The following FDFT1 variants were observed in gnomAD, a reference collection of about 807,000 sequenced individuals.
FDFT1 encodes squalene synthase.
Under a neutral mutation model 46.8 loss-of-function variants are expected in FDFT1, and 68 were observed. The observed-to-expected ratio is 1.45, with a 90% CI of 1.19 to 1.78. The LOEUF is 1.78. FDFT1 is among the 40% of genes most tolerant of loss of function. FDFT1 has a pLI of 0.00. For missense variants in FDFT1, 928 were observed against 524.4 expected (o/e 1.77, Z -7.52); for synonymous variants, 351 against 185.1 (o/e 1.90, Z -7.28).
upstream of FDFT1, chr8:11,801,878 G>C (rs1444660564): frequency 1.6e-5 from 7 of 444,524 alleles, no homozygotes; most frequent in African/African-American, 1.0e-4. Context: ...TTTTAGTAGA[G>C]ACGGGTTTCA....
intron 3 of FDFT1, among the ~76,000 whole-genome samples, chr8:11,811,049 A>G (rs1008199963): frequency 1.3e-5 from 2 of 152,188 alleles, no homozygotes; most frequent in East Asian, 1.9e-4. Flanking sequence ...ATAGTACAAC[A>G]TAATACAAAT....
chr8:11,804,278 A>T (rs1300480457), intron 1 of FDFT1, among the ~76,000 whole-genome samples: 1 of 152,188 alleles, frequency 6.6e-6, no homozygotes, highest in Non-Finnish European at 1.5e-5. Flanking sequence ...TCATTCCTCT[A>T]TGTCTCTTTC....
Position 11,830,274 on chromosome 8 carries a change from G to C in FDFT1, c.733G>C (p.Asp245His), listed in dbSNP as rs1395855153. 1.9e-6 allele frequency: 3 copies of C among 1,614,060 alleles called. No individual in the cohort carries two copies. The highest frequency in any genetic ancestry group is 1.3e-5 in the African/African-American group (1 of 75,024). ...GAGCAGGTATGTTAAGAAGTTAGGG[G>C]ATTTTGCTAAGCCGGAGAATATTGA... ...VWSRYVKKLGDFAKPENIDLA... is the reference protein window; with the variant it reads ...VWSRYVKKLGHFAKPENIDLA... Residue 245 changes from aspartate to histidine, a missense_variant, in exon 6 of 8, where the codon GAT becomes CAT. Transcript: ENST00000220584.
At chr8:11,796,661 T>C (rs1170794518) in intron 1 of FDFT1, among the ~76,000 whole-genome samples, 2 of 152,178 alleles carry the variant, frequency 1.3e-5, no homozygotes, top group Non-Finnish European at 2.9e-5. Context: ...GGTAGGTGTC[T>C]TCAGTGATTG....
At chr8:11,799,511 C>G (rs1041361768), upstream of FDFT1, among the ~76,000 whole-genome samples, 1 of 152,240 alleles carries the variant, frequency 6.6e-6, no homozygotes, top group African/African-American at 2.4e-5. Flanking sequence ...GCCACAGAGT[C>G]TGTTCCGTTA....
chr8:11,835,860 A>G (rs1413258413), intron 7 of FDFT1, among the ~76,000 whole-genome samples: 1 of 148,558 alleles, frequency 6.7e-6, no homozygotes, highest in African/African-American at 2.4e-5. Context: ...GTCACCGAGC[A>G]TGGTGGCTGA....
chr8:11,809,486 C>T, intron 2 of FDFT1, 181 bp from the exon 3 acceptor site: 1 of 1,328,650 alleles, frequency 7.5e-7, no homozygotes, highest in Non-Finnish European at 9.6e-7. Flanking sequence ...GTTCATTACT[C>T]TCATGTAAGG....
At chr8:11,817,345 G>C (rs888328070) in intron 3 of FDFT1, among the ~76,000 whole-genome samples, 4 of 152,044 alleles carry the variant, frequency 2.6e-5, no homozygotes, top group Admixed American at 6.6e-5. Context: ...TTTATTGTTT[G>C]TCTGCCAGGC....
At chr8:11,837,013 G>A (rs1443193635) in intron 7 of FDFT1, among the ~76,000 whole-genome samples, 1 of 149,580 alleles carries the variant, frequency 6.7e-6, no homozygotes, top group Admixed American at 6.6e-5. Context: ...TAAGTGGAAA[G>A]GTAAAGGTAT....
At chr8:11,812,268 C>T (rs1231967968) in intron 3 of FDFT1, among the ~76,000 whole-genome samples, 4 of 152,226 alleles carry the variant, frequency 2.6e-5, no homozygotes, top group African/African-American at 4.8e-5. Context: ...CCCACGTCTG[C>T]GTCCGCACAG....
upstream of FDFT1, among the ~76,000 whole-genome samples, chr8:11,799,923 C>T (rs559922660): frequency 9.1e-4 from 127 of 139,898 alleles, 3 homozygotes; most frequent in South Asian, 0.016. Flanking sequence ...TCCAGCCTCA[C>T]GACAGAGTGA....
rs14873 is a variant in FDFT1, at chr8:11,838,836, C to G, written c.*227C>G. On this transcript the variant is annotated 3_prime_UTR_variant, in exon 8 of 8. Coordinates refer to ENST00000220584, the MANE Select transcript of FDFT1 (RefSeq NM_004462.5). ...GTCCTTGTGGGTGATGATCACTGTGCTGCTTGTGGCTCATGGCAGAGCATT... is the reference window on the plus strand; with the variant it reads ...GTCCTTGTGGGTGATGATCACTGTGGTGCTTGTGGCTCATGGCAGAGCATT... 3.6e-6 allele frequency: 2 copies of G among 553,092 alleles called. No individual in the cohort carries two copies. The highest frequency in any genetic ancestry group is 6.5e-6 in the Non-Finnish European group (2 of 308,102). 34.3% of individuals were successfully genotyped at this position (553,092 alleles called of 1,614,324 possible).
At chr8:11,814,720 C>T (rs181428073) in intron 3 of FDFT1, among the ~76,000 whole-genome samples, 2 of 152,206 alleles carry the variant, frequency 1.3e-5, no homozygotes, top group Non-Finnish European at 2.9e-5. Flanking sequence ...ATGCCTCATA[C>T]TGAGTTGTTT....
At chr8:11,814,612 C>T (rs917049472) in intron 3 of FDFT1, among the ~76,000 whole-genome samples, 2 of 152,130 alleles carry the variant, frequency 1.3e-5, no homozygotes, top group African/African-American at 2.4e-5. Flanking sequence ...ATTCTTTGAA[C>T]TTAAAACAAG....
At chr8:11,814,600 C>G (rs1173376465) in intron 3 of FDFT1, among the ~76,000 whole-genome samples, 1 of 152,090 alleles carries the variant, frequency 6.6e-6, no homozygotes, top group Non-Finnish European at 1.5e-5. Context: ...AACCTATAAA[C>G]AATTCTTTGA....
In FDFT1 at chr8:11,838,587, A is replaced by G. The variant is rs371396760; in HGVS notation, c.1232A>G (p.Tyr411Cys). The change falls in exon 8 of 8, where the codon TAT (tyrosine) becomes TGT (cysteine). Residue 411 changes from tyrosine to cysteine, a missense_variant. Tyr to Cys is a radical substitution (Grantham distance 194). Coordinates refer to ENST00000220584, the MANE Select transcript of FDFT1 (RefSeq NM_004462.5). Reference sequence around the variant, plus strand: ...ACTCTCTCCCAGGTAACAGAAGACTATGTTCAGACTGGAGAACACTGATCC... The same window carrying G: ...ACTCTCTCCCAGGTAACAGAAGACTGTGTTCAGACTGGAGAACACTGATCC... ...LTTLSQVTED[Y>C]VQTGEH is the part of the protein sequence containing the mutation. 2.1e-5 allele frequency: 34 copies of G among 1,613,884 alleles called. No homozygotes were observed. In the Middle Eastern group the frequency reaches 4.9e-4, roughly 23 times the overall value.
intron 4 of FDFT1, among the ~76,000 whole-genome samples, chr8:11,825,116 G>C (rs1046293308): frequency 6.6e-6 from 1 of 152,206 alleles, no homozygotes; most frequent in Non-Finnish European, 1.5e-5. Flanking sequence ...TTGAGGGCCT[G>C]CGGATCTTGA....
chr8:11,797,941 A>G (rs1805731748), upstream of FDFT1: 1 of 152,224 alleles, frequency 6.6e-6, no homozygotes, highest in Admixed American at 6.5e-5. Flanking sequence ...AATCCCAACA[A>G]AGGATGTAGA....
chr8:11,831,497 C>G (rs781403054), intron 6 of FDFT1, 21 bp from the exon 7 acceptor site: 11 of 1,597,488 alleles, frequency 6.9e-6, no homozygotes, highest in African/African-American at 1.3e-5. Flanking sequence ...TCTTTTTTCC[C>G]TCTCTTCTTG....
Sources: allele counts gnomAD v4.1 joint callset (sites outside exome capture counted in the v4.1 genomes callset), GRCh38; gene constraint gnomAD v4.1.1; transcripts MANE v1.5; gene names NCBI Gene and HGNC (gene_info 2026-07-23, HGNC 2026-07-21).